CDH22: variants seen among roughly 807,000 people sequenced by gnomAD.
CDH22 encodes the protein cadherin-22.
CDH22 carries 30 observed loss-of-function variants against 58.4 expected under a neutral mutation model. The ratio of observed to expected loss-of-function variants is 0.51; its 90% CI spans 0.38 to 0.70. The LOEUF (loss-of-function observed/expected upper bound fraction) is 0.70, where lower values mean the gene tolerates loss of function less well. Ranked by LOEUF, CDH22 falls within the 30% of genes least tolerant of loss-of-function variation. The pLI is 0.00. For synonymous variants in CDH22, 513 were observed against 558.2 expected, an observed-to-expected ratio of 0.92 and a Z score of 1.14; for missense variants, 1,014 against 1,233.9, an observed-to-expected ratio of 0.82 and a Z score of 2.67.
intron 1 of CDH22, among the ~76,000 whole-genome samples, chr20:46,281,356 G>A (rs1256046540): frequency 6.6e-6 from 1 of 152,222 alleles, no homozygotes; most frequent in Non-Finnish European, 1.5e-5. Flanking sequence ...CCAGGGAAGA[G>A]TAGAGTGGCT....
At chr20:46,275,703 G>A (rs897431468) in intron 1 of CDH22, among the ~76,000 whole-genome samples, 1 of 151,938 alleles carries the variant, frequency 6.6e-6, no homozygotes, top group Non-Finnish European at 1.5e-5. Flanking sequence ...CACCCTCTCT[G>A]TGCCAGGAGC....
chr20:46,189,583 C>T (rs1298560721), intron 8 of CDH22, among the ~76,000 whole-genome samples: 1 of 152,204 alleles, frequency 6.6e-6, no homozygotes, highest in Non-Finnish European at 1.5e-5. Context: ...CTCCTGGATG[C>T]TCACTGCAGA....
chr20:46,273,615 C>G (rs1339939135), intron 1 of CDH22, among the ~76,000 whole-genome samples: 6 of 152,192 alleles, frequency 3.9e-5, no homozygotes, highest in Non-Finnish European at 8.8e-5. Context: ...GCGCTGTGCT[C>G]AGAGCTCGGT....
Position 46,186,670 on chromosome 20 carries a change from C to T in CDH22, c.1581G>A (p.Glu527=), listed in dbSNP as rs1486879745. 6.2e-7 allele frequency: 1 copy of T among 1,613,900 alleles called. No individual in the cohort carries two copies. The highest frequency in any genetic ancestry group is 8.5e-7 in the Non-Finnish European group (1 of 1,179,986). The stretch of plus-strand genomic sequence containing the variant: ...AATAGAAGCGGTGCCCGCCTTGGGG[C>T]TCGTCTCTGTCCACCACGCTGATGG... ...IQTISVVDRD[E]PQGGHRFYFR... The change falls in exon 10 of 12, where the codon GAG becomes GAA. Residue 527 remains glutamate (E), a synonymous_variant. Coordinates refer to ENST00000537909, the MANE Select transcript of CDH22 (RefSeq NM_021248.3).
At chr20:46,222,764 T>C (rs2086136171) in intron 4 of CDH22, among the ~76,000 whole-genome samples, 1 of 152,226 alleles carries the variant, frequency 6.6e-6, no homozygotes, top group South Asian at 2.1e-4. Flanking sequence ...GTGGGGGGCC[T>C]GCTGGCAGGC....
intron 1 of CDH22, among the ~76,000 whole-genome samples, chr20:46,273,613 C>G (rs1332456659): frequency 6.6e-6 from 1 of 152,212 alleles, no homozygotes; most frequent in East Asian, 1.9e-4. Context: ...GAGCGCTGTG[C>G]TCAGAGCTCG....
intron 1 of CDH22, among the ~76,000 whole-genome samples, chr20:46,255,181 C>T (rs1423839497): frequency 1.3e-5 from 2 of 152,110 alleles, no homozygotes; most frequent in Non-Finnish European, 1.5e-5. Flanking sequence ...GTCACCACAC[C>T]TGGCTAATTT....
chr20:46,203,512 C>T (rs1831712224), intron 7 of CDH22, among the ~76,000 whole-genome samples: 1 of 152,158 alleles, frequency 6.6e-6, no homozygotes, highest in Non-Finnish European at 1.5e-5. Context: ...GCAGCTCAGC[C>T]CTGGGTCTGG....
At position 46,221,275 on chromosome 20, in the gene CDH22, T is replaced by C. The variant is rs906153530; in HGVS notation, c.671-4282A>G. On this transcript the variant is annotated intron_variant, in intron 4 of 11. Transcript: ENST00000537909. ...TAAGCTACCAGGTTTTGGGTTTTTT[T>C]TTTTCTTTTTTTTTTTTTTTTACAT... is the stretch of plus-strand genomic sequence containing the variant. 6.3e-4 allele frequency among the ~76,000 whole-genome samples: 65 copies of C among 103,492 alleles called. 1 individual carries two copies. Among genetic ancestry groups the C allele is most frequent in the Non-Finnish European group, 7.3e-5 (4 of 54,590 alleles). The allele number at this position is 103,492 out of a possible 152,430, so 67.9% of individuals were successfully genotyped here. A position where few individuals can be genotyped will look rare whatever the true frequency, so the allele number is the denominator to read the frequency against.
At chr20:46,256,599 G>C (rs1213318864) in intron 1 of CDH22, among the ~76,000 whole-genome samples, 2 of 152,164 alleles carry the variant, frequency 1.3e-5, no homozygotes, top group Non-Finnish European at 2.9e-5. Context: ...CAGAGAGTGT[G>C]GGGGTGGAGT....
intron 8 of CDH22, among the ~76,000 whole-genome samples, chr20:46,195,433 C>A (rs2085892377): frequency 6.6e-6 from 1 of 152,216 alleles, no homozygotes; most frequent in South Asian, 2.1e-4. Context: ...TGAGACGTGA[C>A]TTGGCCTGGG....
At chr20:46,281,880 C>T (rs542865722) in intron 1 of CDH22, among the ~76,000 whole-genome samples, 59 of 152,292 alleles carry the variant, frequency 3.9e-4, no homozygotes, top group Non-Finnish European at 4.4e-4. Context: ...TTACTATGTG[C>T]GGAGCACACG....
chr20:46,174,253 A>T lies in CDH22; in HGVS notation c.*253T>A. ...CCCCCATCTCCCATTCTAACCCCAG[A>T]GCCACACCGTGCCCGGTCTCGCCTC... On this transcript the variant is annotated 3_prime_UTR_variant, in exon 12 of 12. Transcript: ENST00000537909. The surrounding 1 kb of genome is among the most constrained non-coding windows in gnomAD (Gnocchi z 4.4). The T allele has an allele frequency of 2.1e-6, 1 of 481,362 alleles. No individual in the cohort carries two copies. The highest frequency in any genetic ancestry group is 3.4e-5 in the South Asian group (1 of 29,400). 29.8% of individuals were successfully genotyped at this position (481,362 alleles called of 1,614,324 possible).
At chr20:46,176,132 C>T (rs1434847966) in intron 11 of CDH22, among the ~76,000 whole-genome samples, 2 of 152,136 alleles carry the variant, frequency 1.3e-5, no homozygotes, top group Non-Finnish European at 2.9e-5. Flanking sequence ...TTCTCCTCGC[C>T]TCTCTTAACT....
At chr20:46,182,261 G>C (rs1020836381) in intron 10 of CDH22, among the ~76,000 whole-genome samples, 1 of 152,184 alleles carries the variant, frequency 6.6e-6, no homozygotes, top group Non-Finnish European at 1.5e-5. Flanking sequence ...TTCTAGCCCC[G>C]GGGGATACTG....
At chr20:46,282,749 C>T (rs538436838) in intron 1 of CDH22, among the ~76,000 whole-genome samples, 1 of 152,178 alleles carries the variant, frequency 6.6e-6, no homozygotes, top group Non-Finnish European at 1.5e-5. Flanking sequence ...GAGTTCTCCC[C>T]CGGGGGAGGG....
intron 2 of CDH22, among the ~76,000 whole-genome samples, chr20:46,243,670 C>T (rs1223650449): frequency 6.6e-6 from 1 of 152,150 alleles, no homozygotes; most frequent in Non-Finnish European, 1.5e-5. Context: ...ACCATTGCCC[C>T]AGGGGAGATG....
chr20:46,270,884 T>C lies in CDH22; in HGVS notation c.-399-19191A>G, dbSNP rs151215875. 9.1e-4 allele frequency among the ~76,000 whole-genome samples: 139 copies of C among 152,324 alleles called. 1 individual carries two copies. The highest frequency in any genetic ancestry group is 3.1e-3 in the African/African-American group (128 of 41,572). ...GACTTCCAGCTTTGTTGCTACCAAATGTGTGACCTCAGGCAGGCCACCTCA... is the reference window on the plus strand; with the variant it reads ...GACTTCCAGCTTTGTTGCTACCAAACGTGTGACCTCAGGCAGGCCACCTCA... On this transcript the variant is annotated intron_variant, in intron 1 of 11. Coordinates refer to ENST00000537909, the MANE Select transcript of CDH22 (RefSeq NM_021248.3).
chr20:46,245,623 AC>A (rs1400685931), intron 2 of CDH22, among the ~76,000 whole-genome samples: 6 of 152,126 alleles, frequency 3.9e-5, no homozygotes, highest in Admixed American at 3.9e-4. Flanking sequence ...TCTCCCCAGC[AC>A]CCAGCACGGG....
Sources: allele counts gnomAD v4.1 joint callset (sites outside exome capture counted in the v4.1 genomes callset), GRCh38; gene constraint gnomAD v4.1.1; non-coding constraint Gnocchi (gnomAD v3.1); transcripts MANE v1.5; gene names NCBI Gene and HGNC (gene_info 2026-07-23, HGNC 2026-07-21).